The following SDK1 variants were observed in gnomAD, a reference collection of about 807,000 sequenced individuals.
The protein encoded by SDK1 is sidekick cell adhesion molecule 1.
Under a neutral mutation model 245.5 loss-of-function variants are expected in SDK1, and 157 were observed. That is an observed-to-expected ratio of 0.64 (90% CI 0.56 to 0.73). The LOEUF is 0.73. Among genes scored for constraint, SDK1 ranks in the 30% least tolerant of loss-of-function variants. The probability of loss-of-function intolerance (pLI) is 0.00; values close to 1 mark genes in which losing one functional copy is unlikely to be tolerated. For synonymous variants in SDK1, 1,647 were observed against 1,278.5 expected (o/e 1.29, Z -6.15); for missense variants, 3,583 against 3,002.3 (o/e 1.19, Z -4.52).
At position 3,917,480 on chromosome 7, in the gene SDK1, G is replaced by A. The variant is rs558005441; in HGVS notation, c.848-33443G>A. Among the ~76,000 whole-genome samples the A allele has an allele frequency of 4.0e-4, 61 of 152,272 alleles. 2 individuals are homozygous for A. In the South Asian group the frequency reaches 6.2e-3, roughly 16 times the overall value. ...CTTTGGGGCACTGTGGAACTCACAG[G>A]TGAGCCCCTCCCTGTGCTCAGGGGC... On this transcript the variant is annotated intron_variant, in intron 5 of 44. Coordinates refer to ENST00000404826, the MANE Select transcript of SDK1 (RefSeq NM_152744.4).
chr7:3,889,295 G>A (rs149014082), intron 5 of SDK1, among the ~76,000 whole-genome samples: 232 of 152,326 alleles, frequency 1.5e-3, no homozygotes, highest in South Asian at 0.011. Flanking sequence ...GCAGCACATC[G>A]TGAGAGGAGG....
intron 1 of SDK1, among the ~76,000 whole-genome samples, chr7:3,356,528 A>C (rs11768463): frequency 6.6e-6 from 1 of 151,912 alleles, no homozygotes; most frequent in Non-Finnish European, 1.5e-5. Flanking sequence ...TTTGCTTACC[A>C]TTGGATTTTA....
intron 2 of SDK1, among the ~76,000 whole-genome samples, chr7:3,635,284 TA>T (rs1198687502): frequency 6.6e-6 from 1 of 152,248 alleles, no homozygotes; most frequent in African/African-American, 2.4e-5. Context: ...TTTCTCTTTA[TA>T]AAAGATTTTA....
intron 1 of SDK1, among the ~76,000 whole-genome samples, chr7:3,493,124 TGTATTTTTACTAGAGACGG>T (rs1781914295): frequency 6.6e-6 from 1 of 152,100 alleles, no homozygotes; most frequent in African/African-American, 2.4e-5. Flanking sequence ...CTAATTTTTT[TGTATTTTTACTAGAGACGG>T]AGTTTCACCG....
intron 1 of SDK1, among the ~76,000 whole-genome samples, chr7:3,576,722 G>T (rs1354774222): frequency 1.3e-5 from 2 of 152,012 alleles, no homozygotes; most frequent in Admixed American, 6.6e-5. Flanking sequence ...GTTGAGCCAC[G>T]TGCACAAACT....
intron 14 of SDK1, among the ~76,000 whole-genome samples, chr7:4,009,568 T>A (rs575188505): frequency 1.3e-5 from 2 of 152,356 alleles, no homozygotes; most frequent in African/African-American, 4.8e-5. Context: ...CCATTATCCA[T>A]GTCACTGGAA....
intron 1 of SDK1, among the ~76,000 whole-genome samples, chr7:3,580,968 CAAAAA>C (rs60617574): frequency 3.6e-4 from 9 of 24,894 alleles, no homozygotes; most frequent in African/African-American, 6.4e-4. Flanking sequence ...GACTCCATCT[CAAAAA>C]AAAAAAAAAA....
At chr7:3,443,288 T>G (rs1250385473) in intron 1 of SDK1, among the ~76,000 whole-genome samples, 1 of 152,226 alleles carries the variant, frequency 6.6e-6, no homozygotes, top group Non-Finnish European at 1.5e-5. Context: ...CTAACACTAC[T>G]TATGTTTGAC....
intron 9 of SDK1, among the ~76,000 whole-genome samples, chr7:3,964,696 G>A (rs1464965894): frequency 6.6e-6 from 1 of 151,990 alleles, no homozygotes; most frequent in African/African-American, 2.4e-5. Flanking sequence ...TATACCTTTT[G>A]TGTTTGCCCT....
intron 1 of SDK1, among the ~76,000 whole-genome samples, chr7:3,543,209 A>T (rs779793288): frequency 6.6e-6 from 1 of 152,256 alleles, no homozygotes; most frequent in African/African-American, 2.4e-5. Context: ...AAAAATTGAG[A>T]TGTTACTGTA....
At chr7:3,936,651 C>T (rs557995004) in intron 5 of SDK1, among the ~76,000 whole-genome samples, 8 of 151,840 alleles carry the variant, frequency 5.3e-5, no homozygotes, top group Admixed American at 1.3e-4. Flanking sequence ...GCGTCCTTAA[C>T]GCCAATGAAC....
intron 4 of SDK1, among the ~76,000 whole-genome samples, chr7:3,660,167 G>T (rs188786678): frequency 6.6e-6 from 1 of 152,184 alleles, no homozygotes; most frequent in Admixed American, 6.5e-5. Flanking sequence ...AGAGATTTCA[G>T]ACACAGCAAA....
intron 4 of SDK1, among the ~76,000 whole-genome samples, chr7:3,706,492 C>T (rs973085399): frequency 6.6e-6 from 1 of 152,196 alleles, no homozygotes; most frequent in African/African-American, 2.4e-5. Flanking sequence ...AGCTCCGCCT[C>T]CTGGGTTCAC....
intron 1 of SDK1, among the ~76,000 whole-genome samples, chr7:3,418,127 C>G (rs924461092): frequency 7.9e-6 from 1 of 126,102 alleles, no homozygotes; most frequent in Non-Finnish European, 1.6e-5. Context: ...AAGGTGAAAC[C>G]CGATCTCTAC....
At chr7:3,490,110 T>G (rs1373961329) in intron 1 of SDK1, among the ~76,000 whole-genome samples, 1 of 152,190 alleles carries the variant, frequency 6.6e-6, no homozygotes. Context: ...ACCAATTAAG[T>G]GAAAAGAAAT....
chr7:4,047,633 A>G (rs757773900), intron 17 of SDK1, among the ~76,000 whole-genome samples: 2 of 152,180 alleles, frequency 1.3e-5, no homozygotes, highest in African/African-American at 2.4e-5. Context: ...GCTCACATTC[A>G]GCCTTCGGCC....
intron 5 of SDK1, among the ~76,000 whole-genome samples, chr7:3,915,510 T>C (rs555188511): frequency 2.0e-5 from 3 of 152,328 alleles, no homozygotes; most frequent in African/African-American, 7.2e-5. Context: ...CGCTTGGCCC[T>C]CATTCTGTGT....
At chr7:4,185,051 C>T (rs1215732436) in intron 35 of SDK1, among the ~76,000 whole-genome samples, 2 of 152,196 alleles carry the variant, frequency 1.3e-5, no homozygotes, top group Non-Finnish European at 2.9e-5. Flanking sequence ...CAGCCAACGT[C>T]CTGAGGTGCC....
intron 5 of SDK1, among the ~76,000 whole-genome samples, chr7:3,875,243 T>A (rs77501553): frequency 2.6e-5 from 4 of 152,106 alleles, no homozygotes; most frequent in Non-Finnish European, 1.5e-5. Context: ...TCTGACAGAG[T>A]CAAGAAAAGT....
Sources: allele counts gnomAD v4.1 joint callset (sites outside exome capture counted in the v4.1 genomes callset), GRCh38; gene constraint gnomAD v4.1.1; transcripts MANE v1.5; gene names NCBI Gene and HGNC (gene_info 2026-07-23, HGNC 2026-07-21).